The following CSRP2 variants were observed in gnomAD, a reference collection of about 807,000 sequenced individuals.
CSRP2 encodes the protein cysteine and glycine rich protein 2.
A neutral mutation model predicts 24.6 loss-of-function variants in CSRP2; 18 were observed. The ratio of observed to expected loss-of-function variants is 0.73; its 90% CI spans 0.51 to 1.09. CSRP2 has a LOEUF of 1.09. CSRP2 is among the 50% of genes least tolerant of loss of function. CSRP2 has a pLI of 0.00. For synonymous variants in CSRP2, 87 were observed against 84.3 expected (o/e 1.03, Z -0.18); for missense variants, 215 against 239.4 (o/e 0.90, Z 0.67).
intron 1 of CSRP2, among the ~76,000 whole-genome samples, chr12:76,866,472 A>T (rs981246438): frequency 2.7e-5 from 4 of 149,912 alleles, no homozygotes; most frequent in African/African-American, 9.8e-5. Context: ...CGTGCACAAG[A>T]TTTTTTTTTT....
At chr12:76,870,143 G>C (rs536076482) in intron 1 of CSRP2, among the ~76,000 whole-genome samples, 8 of 152,132 alleles carry the variant, frequency 5.3e-5, no homozygotes, top group Non-Finnish European at 7.3e-5. Context: ...TCTCATATTA[G>C]AAAGTGAACT....
chr12:76,865,352 A>G lies in CSRP2; in HGVS notation c.112+797T>C, dbSNP rs184901652. 1.4e-3 allele frequency among the ~76,000 whole-genome samples: 215 copies of G among 152,334 alleles called. 1 individual carries two copies. The highest frequency in any genetic ancestry group is 4.8e-3 in the African/African-American group (201 of 41,582). On this transcript the variant is annotated intron_variant, in intron 2 of 5. Transcript: ENST00000311083. ...ACCAAGTCTTCTGAGGAAGGCATAC[A>G]TAGTGAACATTCCTATGTAGTATTT...
At chr12:76,863,488 CATGAG>C in intron 2 of CSRP2, 144 bp from the exon 3 acceptor site, 1 of 722,846 alleles carries the variant, frequency 1.4e-6, no homozygotes, top group Non-Finnish European at 2.2e-6. Flanking sequence ...TCCCAAAAGC[CATGAG>C]ACAGCATCTG....
At chr12:76,867,789 G>A (rs1019505466) in intron 1 of CSRP2, among the ~76,000 whole-genome samples, 2 of 152,108 alleles carry the variant, frequency 1.3e-5, no homozygotes, top group African/African-American at 2.4e-5. Flanking sequence ...AACCTGGCTA[G>A]AAAGAGAAGG....
intron 1 of CSRP2, 40 bp downstream of exon 1, chr12:76,878,898 G>A (rs981118329): frequency 1.3e-5 from 2 of 152,204 alleles, no homozygotes; most frequent in African/African-American, 2.4e-5. Context: ...CCGCCCCGGG[G>A]TTGGCGGCGC....
chr12:76,865,185 G>C (rs1391932906), intron 2 of CSRP2, among the ~76,000 whole-genome samples: 1 of 152,206 alleles, frequency 6.6e-6, no homozygotes, highest in Non-Finnish European at 1.5e-5. Flanking sequence ...CTATGGTGTA[G>C]ACATTGTGGC....
chr12:76,873,443 T>G (rs1953821979), intron 1 of CSRP2, among the ~76,000 whole-genome samples: 1 of 152,174 alleles, frequency 6.6e-6, no homozygotes, highest in South Asian at 2.1e-4. Context: ...CTTACGGAAG[T>G]GAATACCACT....
chr12:76,867,248 G>A (rs1021954689), intron 1 of CSRP2, among the ~76,000 whole-genome samples: 1 of 150,876 alleles, frequency 6.6e-6, no homozygotes, highest in Non-Finnish European at 1.5e-5. Context: ...CAGCACTTTC[G>A]GAGGCCGAGG....
At chr12:76,877,323 A>G (rs1953862160) in intron 1 of CSRP2, among the ~76,000 whole-genome samples, 1 of 152,262 alleles carries the variant, frequency 6.6e-6, no homozygotes, top group South Asian at 2.1e-4. Context: ...ACAGGCCTCC[A>G]GCAAGTACTG....
chr12:76,865,107 G>A (rs539367115), intron 2 of CSRP2, among the ~76,000 whole-genome samples: 6 of 152,230 alleles, frequency 3.9e-5, no homozygotes, highest in South Asian at 2.1e-4. Flanking sequence ...GAAAGGATTC[G>A]TAGAAATGAC....
At chr12:76,874,708 G>A (rs1953836822) in intron 1 of CSRP2, among the ~76,000 whole-genome samples, 1 of 152,160 alleles carries the variant, frequency 6.6e-6, no homozygotes, top group South Asian at 2.1e-4. Context: ...GTGAGTGGAG[G>A]GTAAGCGAGC....
intron 1 of CSRP2, among the ~76,000 whole-genome samples, chr12:76,876,653 C>A (rs1421544409): frequency 1.3e-5 from 2 of 152,168 alleles, no homozygotes; most frequent in Non-Finnish European, 2.9e-5. Flanking sequence ...GGGATCCCCA[C>A]CCAACAGAAC....
At chr12:76,868,937 G>GAAAA (rs980686297) in intron 1 of CSRP2, among the ~76,000 whole-genome samples, 133 of 61,268 alleles carry the variant, frequency 2.2e-3, no homozygotes, top group African/African-American at 6.9e-3. Context: ...CGCCTCAAAA[G>GAAAA]AAAAAAAAAA....
chr12:76,860,204 G>A lies in CSRP2; in HGVS notation c.411+80C>T. On this transcript the variant is annotated intron_variant, in intron 4 of 5. Coordinates refer to ENST00000311083, the MANE Select transcript of CSRP2 (RefSeq NM_001321.3). ...CAGTGATTTGTAAGACATCACCCAAGCAAGGAATGTGGAAGGGTTAGGGGA... is the reference window on the plus strand; with the variant it reads ...CAGTGATTTGTAAGACATCACCCAAACAAGGAATGTGGAAGGGTTAGGGGA... The A allele has an allele frequency of 1.9e-5, 27 of 1,438,842 alleles. No homozygotes were observed. The South Asian group carries it at 3.9e-4, about 21-fold the overall frequency. The allele number at this position is 1,438,842 out of a possible 1,614,324, so 89.1% of individuals were successfully genotyped here. A position where few individuals can be genotyped will look rare whatever the true frequency, so the allele number is the denominator to read the frequency against.
chr12:76,866,960 G>A (rs1157469076), intron 1 of CSRP2, among the ~76,000 whole-genome samples: 2 of 152,158 alleles, frequency 1.3e-5, no homozygotes, highest in African/African-American at 4.8e-5. Flanking sequence ...CACTAGTGCA[G>A]CCAGCAGTTG....
chr12:76,860,244 A>G (rs369229551), intron 4 of CSRP2, 40 bp downstream of exon 4: 26 of 1,601,012 alleles, frequency 1.6e-5, no homozygotes, highest in Non-Finnish European at 2.1e-5. Flanking sequence ...GGGAGCAGAG[A>G]GAAGTCATTT....
At chr12:76,873,303 C>G (rs576238213) in intron 1 of CSRP2, among the ~76,000 whole-genome samples, 8 of 152,290 alleles carry the variant, frequency 5.3e-5, no homozygotes, top group African/African-American at 1.9e-4. Context: ...GTAGCACTGT[C>G]CCGTTACGAT....
chr12:76,858,895 T>C lies in CSRP2; in HGVS notation c.*57A>G. 1.4e-6 allele frequency: 2 copies of C among 1,446,862 alleles called. No individual in the cohort carries two copies. 89.6% of individuals were successfully genotyped at this position (1,446,862 alleles called of 1,614,324 possible). On this transcript the variant is annotated 3_prime_UTR_variant, in exon 6 of 6. Coordinates refer to ENST00000311083, the MANE Select transcript of CSRP2 (RefSeq NM_001321.3). ...CAGTAGTTTAGTGTTAAAGATTATC[T>C]GTGCCTAGATTATGAAGAGATTCTC...
chr12:76,861,132 T>G (rs1351351293), intron 3 of CSRP2: 1 of 151,988 alleles, frequency 6.6e-6, no homozygotes, highest in African/African-American at 2.4e-5. Flanking sequence ...ACCTAGTATG[T>G]GCAGAACATT....
Sources: allele counts gnomAD v4.1 joint callset (sites outside exome capture counted in the v4.1 genomes callset), GRCh38; gene constraint gnomAD v4.1.1; transcripts MANE v1.5; gene names NCBI Gene and HGNC (gene_info 2026-07-23, HGNC 2026-07-21).